ELL: variants seen among roughly 807,000 people sequenced by gnomAD.
ELL encodes the protein elongation factor for RNA polymerase II, also known as RNA polymerase II elongation factor ELL.
ELL carries 18 observed loss-of-function variants against 64.0 expected under a neutral mutation model. That is an observed-to-expected ratio of 0.28 (90% CI 0.19 to 0.42). The LOEUF is 0.42. ELL is among the 10% of genes least tolerant of loss of function. The pLI is 1.00. For missense variants in ELL, 797 were observed against 870.4 expected, an observed-to-expected ratio of 0.92 and a Z score of 1.06; for synonymous variants, 399 against 376.2, an observed-to-expected ratio of 1.06 and a Z score of -0.70.
intron 1 of ELL, among the ~76,000 whole-genome samples, chr19:18,506,020 C>CA (rs1975878471): frequency 6.6e-6 from 1 of 152,204 alleles, no homozygotes; most frequent in African/African-American, 2.4e-5. Flanking sequence ...CTGGGCCCCC[C>CA]ATGCTGGCCC....
chr19:18,472,348 A>G (rs181652917), intron 2 of ELL: 1 of 154,564 alleles, frequency 6.5e-6, no homozygotes, highest in East Asian at 1.9e-4. Context: ...TCCACCTCAG[A>G]TCAGGCATTA....
At chr19:18,452,279 C>T (rs529868752) in intron 6 of ELL, among the ~76,000 whole-genome samples, 2 of 146,980 alleles carry the variant, frequency 1.4e-5, no homozygotes, top group Non-Finnish European at 2.9e-5. Context: ...GGCAGCCTAG[C>T]GCCCCTCCAG....
intron 1 of ELL, among the ~76,000 whole-genome samples, chr19:18,474,064 C>A (rs1480472269): frequency 6.6e-6 from 1 of 152,218 alleles, no homozygotes; most frequent in Non-Finnish European, 1.5e-5. Context: ...ACAACACCTA[C>A]CCCATGGGTC....
intron 1 of ELL, among the ~76,000 whole-genome samples, chr19:18,520,760 A>T (rs1976250476): frequency 8.4e-6 from 1 of 119,620 alleles, no homozygotes; most frequent in South Asian, 3.0e-4. Context: ...ACACACACGC[A>T]GGGAGCAGGG....
At position 18,445,208 on chromosome 19, in the gene ELL, C is replaced by A. The variant is rs1342578005; in HGVS notation, c.1749+16G>T. The A allele has an allele frequency of 6.2e-7, 1 of 1,613,984 alleles. No individual in the cohort carries two copies. Among genetic ancestry groups the A allele is most frequent in the African/African-American group, 1.3e-5 (1 of 74,944 alleles). On this transcript the variant is annotated intron_variant, in intron 11 of 11. Transcript: ENST00000262809. ...ATGGCTCACTTGGAGCCCACCCCAA[C>A]ACAAGAGACACTCACCTTTTTGATT...
rs541853276 is a variant in ELL, at chr19:18,450,895, C to T, written c.1047G>A (p.Gln349=). ...PRISHFTQRA[Q]PAVNGKLGVP... ...CGCCCAGCTTCCCGTTGACGGCAGG[C>T]TGAGCTCTCTGAGTGAAGTGCGATA... is the stretch of plus-strand genomic sequence containing the variant. The change falls in exon 8 of 12, where the codon CAG becomes CAA. Residue 349 remains glutamine (Q), a synonymous_variant. Coordinates refer to ENST00000262809, the MANE Select transcript of ELL (RefSeq NM_006532.4). The T allele has an allele frequency of 3.2e-6, 5 of 1,564,638 alleles. No homozygotes were observed. The highest frequency in any genetic ancestry group is 2.3e-5 in the South Asian group (2 of 85,464).
intron 1 of ELL, among the ~76,000 whole-genome samples, chr19:18,513,625 A>G (rs1976072540): frequency 6.6e-6 from 1 of 152,166 alleles, no homozygotes; most frequent in Non-Finnish European, 1.5e-5. Flanking sequence ...AAAACTTCAC[A>G]GGATGCTTTT....
Position 18,522,028 on chromosome 19 carries a change from A to G in ELL, c.28T>C (p.Tyr10His), listed in dbSNP as rs1219926083. Reference sequence around the variant, plus strand: ...CTAACCCGCCCGCACGACAGCCCGTAGCTCCTATCCTCCTTCAGCGCCGCC... The same window carrying G: ...CTAACCCGCCCGCACGACAGCCCGTGGCTCCTATCCTCCTTCAGCGCCGCC... MAALKEDRS[Y>H]GLSCGRVSDG... The change falls in exon 1 of 12, where the codon TAC (tyrosine) becomes CAC (histidine). Residue 10 changes from tyrosine (Y) to histidine (H), a missense_variant. Transcript: ENST00000262809. 6.2e-7 allele frequency: 1 copy of G among 1,609,434 alleles called. No individual in the cohort carries two copies. Among genetic ancestry groups the G allele is most frequent in the African/African-American group, 1.3e-5 (1 of 74,092 alleles).
chr19:18,472,144 T>C (rs968511762), intron 2 of ELL, among the ~76,000 whole-genome samples: 46 of 152,028 alleles, frequency 3.0e-4, no homozygotes, highest in Non-Finnish European at 7.4e-5. Flanking sequence ...GTATTTTTAG[T>C]AGAGACGCGT....
At chr19:18,444,926 G>C in intron 11 of ELL, 58 bp from the exon 12 acceptor site, 1 of 1,546,564 alleles carries the variant, frequency 6.5e-7, no homozygotes, top group Non-Finnish European at 8.8e-7. Flanking sequence ...GCTCCCCGCT[G>C]TAAGCAGGCC....
At chr19:18,463,444 C>T (rs189080810) in intron 4 of ELL, among the ~76,000 whole-genome samples, 1,845 of 150,028 alleles carry the variant, frequency 0.012, 17 homozygotes, top group South Asian at 0.024. Flanking sequence ...AAGAGATTCT[C>T]CTGCCTCAGC....
At chr19:18,485,769 G>A (rs1017127043) in intron 1 of ELL, among the ~76,000 whole-genome samples, 4 of 152,206 alleles carry the variant, frequency 2.6e-5, no homozygotes, top group Admixed American at 6.5e-5. Context: ...AGCGGATCAC[G>A]AGGTCAGGAG....
intron 2 of ELL, among the ~76,000 whole-genome samples, chr19:18,467,669 AC>A (rs1974971099): frequency 1.1e-5 from 1 of 91,410 alleles, no homozygotes; most frequent in East Asian, 3.2e-4. Flanking sequence ...ACACACACAC[AC>A]ACAAACACAA....
At chr19:18,482,621 C>T (rs1479838082) in intron 1 of ELL, among the ~76,000 whole-genome samples, 7 of 152,090 alleles carry the variant, frequency 4.6e-5, no homozygotes, top group South Asian at 4.1e-4. Flanking sequence ...TGAGCCACTG[C>T]GCCTGGACTG....
intron 2 of ELL, among the ~76,000 whole-genome samples, chr19:18,468,828 T>C (rs78572107): frequency 1.3e-5 from 2 of 152,272 alleles, no homozygotes; most frequent in Non-Finnish European, 1.5e-5. Context: ...TCAGGGGAGA[T>C]GCCACTCAGC....
chr19:18,500,973 C>T (rs926365316), intron 1 of ELL, among the ~76,000 whole-genome samples: 1 of 151,114 alleles, frequency 6.6e-6, no homozygotes, highest in Non-Finnish European at 1.5e-5. Flanking sequence ...AGAGTTGACT[C>T]TGTGACTCCA....
Position 18,465,778 on chromosome 19 carries a change from G to A in ELL, c.305+19C>T. On this transcript the variant is annotated intron_variant, in intron 3 of 11. Coordinates refer to ENST00000262809, the MANE Select transcript of ELL (RefSeq NM_006532.4). ...CCTCAAGAGCCGGCGGGGTGCTCTGGGGTGGGGCGGCGCCTCACCTGGAGA... is the reference window on the plus strand; with the variant it reads ...CCTCAAGAGCCGGCGGGGTGCTCTGAGGTGGGGCGGCGCCTCACCTGGAGA... 6.3e-6 allele frequency: 9 copies of A among 1,425,012 alleles called. No individual in the cohort carries two copies. Among genetic ancestry groups the A allele is most frequent in the Non-Finnish European group, 8.3e-6 (9 of 1,082,818 alleles). 88.3% of individuals were successfully genotyped at this position (1,425,012 alleles called of 1,614,324 possible).
At chr19:18,507,376 T>C (rs950078987) in intron 1 of ELL, among the ~76,000 whole-genome samples, 2 of 152,240 alleles carry the variant, frequency 1.3e-5, no homozygotes, top group Non-Finnish European at 2.9e-5. Context: ...CACAGCCCCT[T>C]GGCAGAGAAC....
rs374064382 is a variant in ELL, at chr19:18,461,849, T to C, written c.473A>G (p.Lys158Arg). ...VIKAGGRYLG[K>R]KVQFRKPAPG... The stretch of plus-strand genomic sequence containing the variant: ...GGCTGGTTTCCGAAACTGAACCTTC[T>C]TGCCTGCAACAAGAATCCAAGCTTT... Residue 158 changes from lysine to arginine, a missense_variant, in exon 5 of 12, where the codon AAG becomes AGG. By Grantham distance (26) the Lys-to-Arg change is conservative (BLOSUM62 2). Transcript: ENST00000262809. 6.2e-7 allele frequency: 1 copy of C among 1,611,078 alleles called. No homozygotes were observed. Among genetic ancestry groups the C allele is most frequent in the Non-Finnish European group, 8.5e-7 (1 of 1,177,754 alleles).
Sources: allele counts gnomAD v4.1 joint callset (sites outside exome capture counted in the v4.1 genomes callset), GRCh38; gene constraint gnomAD v4.1.1; transcripts MANE v1.5; gene names NCBI Gene and HGNC (gene_info 2026-07-23, HGNC 2026-07-21).